UBASH3B: variants seen among roughly 807,000 people sequenced by gnomAD.
UBASH3B encodes ubiquitin associated and SH3 domain containing B.
Under a neutral mutation model 83.4 loss-of-function variants are expected in UBASH3B, and 37 were observed. The observed-to-expected ratio is 0.44, with a 90% CI of 0.34 to 0.58. The LOEUF (loss-of-function observed/expected upper bound fraction) is 0.58, where lower values mean the gene tolerates loss of function less well. UBASH3B is among the 20% of genes least tolerant of loss of function. The pLI, the probability that UBASH3B is intolerant of heterozygous loss-of-function variation, is 0.01. For synonymous variants in UBASH3B, 304 were observed against 318.3 expected, an observed-to-expected ratio of 0.96 and a Z score of 0.48; for missense variants, 657 against 827.2, an observed-to-expected ratio of 0.79 and a Z score of 2.52.
intron 1 of UBASH3B, among the ~76,000 whole-genome samples, chr11:122,692,270 T>C (rs1481955895): frequency 2.6e-5 from 4 of 152,174 alleles, no homozygotes; most frequent in East Asian, 3.8e-4. Context: ...CCAGGGACTT[T>C]TGGGATTGCT....
At chr11:122,753,866 A>G (rs557444811) in intron 1 of UBASH3B, among the ~76,000 whole-genome samples, 1 of 152,280 alleles carries the variant, frequency 6.6e-6, no homozygotes, top group East Asian at 1.9e-4. Context: ...AGGGAATACT[A>G]CAGTATTCCC....
intron 1 of UBASH3B, among the ~76,000 whole-genome samples, chr11:122,699,038 C>T (rs140354319): frequency 1.1e-4 from 16 of 152,182 alleles, no homozygotes; most frequent in Middle Eastern, 3.4e-3. Context: ...TTAGTAGAGA[C>T]GGGGTTTCTC....
intron 1 of UBASH3B, among the ~76,000 whole-genome samples, chr11:122,753,599 C>T (rs572854035): frequency 8.9e-4 from 131 of 147,618 alleles, no homozygotes; most frequent in Admixed American, 1.9e-3. Context: ...CGGGTTCAAG[C>T]GATTCTCCTG....
intron 1 of UBASH3B, among the ~76,000 whole-genome samples, chr11:122,657,213 A>G (rs534379095): frequency 1.3e-5 from 2 of 152,352 alleles, no homozygotes; most frequent in Admixed American, 6.5e-5. Context: ...GAGTTGGCCA[A>G]ACTTAATCAG....
intron 1 of UBASH3B, among the ~76,000 whole-genome samples, chr11:122,731,566 A>T (rs989103400): frequency 6.6e-6 from 1 of 152,204 alleles, no homozygotes. Context: ...CGGAGAGTGC[A>T]AACAGTGTGG....
At chr11:122,739,837 A>G (rs991689641) in intron 1 of UBASH3B, among the ~76,000 whole-genome samples, 1 of 152,182 alleles carries the variant, frequency 6.6e-6, no homozygotes, top group African/African-American at 2.4e-5. Context: ...GGATTTACCT[A>G]CAAGATGGAT....
intron 1 of UBASH3B, among the ~76,000 whole-genome samples, chr11:122,765,627 G>A (rs1320265106): frequency 6.6e-6 from 1 of 152,234 alleles, no homozygotes; most frequent in African/African-American, 2.4e-5. Flanking sequence ...AAGTTTAGCA[G>A]ACTAGAAGTG....
chr11:122,728,117 C>A (rs1466506985), intron 1 of UBASH3B, among the ~76,000 whole-genome samples: 3 of 152,158 alleles, frequency 2.0e-5, no homozygotes, highest in Admixed American at 6.5e-5. Flanking sequence ...GTATTACAGG[C>A]GTGAGCTACC....
intron 5 of UBASH3B, among the ~76,000 whole-genome samples, chr11:122,785,804 AAAG>A (rs1290430591): frequency 2.0e-5 from 3 of 152,224 alleles, no homozygotes. Context: ...AAGACTAAAT[AAAG>A]AAGATGTATG....
At chr11:122,700,264 G>A (rs1864025051) in intron 1 of UBASH3B, among the ~76,000 whole-genome samples, 1 of 152,140 alleles carries the variant, frequency 6.6e-6, no homozygotes, top group South Asian at 2.1e-4. Flanking sequence ...AATGAGATGG[G>A]CTGACATCAT....
chr11:122,709,623 T>G (rs1864164866), intron 1 of UBASH3B: 1 of 152,162 alleles, frequency 6.6e-6, no homozygotes. Flanking sequence ...GCTGGTTAAC[T>G]CTTTCTGGGT....
rs180694661 is a variant in UBASH3B at position 122,670,191 on chromosome 11, G to A, written c.161+13981G>A. On this transcript the variant is annotated intron_variant, in intron 1 of 13. Transcript: ENST00000284273. ...TTTCTGAGTGTGAATGTGTGTGTGTGTGTGTGTGTATATACACTGCCCATC... is the reference window on the plus strand; with the variant it reads ...TTTCTGAGTGTGAATGTGTGTGTGTATGTGTGTGTATATACACTGCCCATC... Among the ~76,000 whole-genome samples the A allele has an allele frequency of 9.2e-5, 14 of 152,148 alleles. No individual in the cohort carries two copies. The East Asian group carries it at 2.7e-3, about 29-fold the overall frequency.
chr11:122,706,509 A>G (rs1428490116), intron 1 of UBASH3B, among the ~76,000 whole-genome samples: 5 of 152,194 alleles, frequency 3.3e-5, no homozygotes, highest in Admixed American at 1.3e-4. Flanking sequence ...GAGAGTGTAC[A>G]TTCTGCATTT....
chr11:122,713,688 C>A (rs1375990312), intron 1 of UBASH3B, among the ~76,000 whole-genome samples: 2 of 148,262 alleles, frequency 1.3e-5, no homozygotes, highest in African/African-American at 5.0e-5. Flanking sequence ...CAGCCACTCC[C>A]AAATCTGGCC....
At chr11:122,803,837 T>A (rs945715872) in intron 11 of UBASH3B, among the ~76,000 whole-genome samples, 1 of 151,964 alleles carries the variant, frequency 6.6e-6, no homozygotes, top group South Asian at 2.1e-4. Context: ...GAGCACCGTA[T>A]TCCAGGTTGA....
intron 1 of UBASH3B, among the ~76,000 whole-genome samples, chr11:122,662,972 CTTTTT>C (rs568564848): frequency 2.7e-5 from 3 of 110,584 alleles, no homozygotes; most frequent in Admixed American, 9.9e-5. Flanking sequence ...GCGCTAATGT[CTTTTT>C]TTTTTTTTTT....
chr11:122,808,001 C>T (rs1861370446), intron 12 of UBASH3B, 66 bp from the exon 13 acceptor site: 1 of 1,241,594 alleles, frequency 8.1e-7, no homozygotes, highest in Non-Finnish European at 1.2e-6. Context: ...AGTTAGCTTC[C>T]AGTATTTGCA....
chr11:122,789,280 G>A lies in UBASH3B; in HGVS notation c.952G>A (p.Asp318Asn). Reference sequence around the variant, plus strand: ...GCCTGAGAATTACATTACCAAGGCTGATGAATGCAGCACCTGGATATTTCA... The same window carrying A: ...GCCTGAGAATTACATTACCAAGGCTAATGAATGCAGCACCTGGATATTTCA... ...LLPENYITKA[D>N]ECSTWIFHGS... Residue 318 changes from aspartate (D) to asparagine (N), a missense_variant, in exon 6 of 14, where the codon GAT becomes AAT. Asp to Asn is a conservative substitution (Grantham distance 23). Coordinates refer to ENST00000284273, the MANE Select transcript of UBASH3B (RefSeq NM_032873.5). The A allele has an allele frequency of 6.2e-7, 1 of 1,614,216 alleles. No individual in the cohort carries two copies. The highest frequency in any genetic ancestry group is 1.6e-4 in the Middle Eastern group (1 of 6,062).
intron 1 of UBASH3B, among the ~76,000 whole-genome samples, chr11:122,771,422 G>A (rs1183592278): frequency 6.6e-6 from 1 of 152,046 alleles, no homozygotes; most frequent in African/African-American, 2.4e-5. Flanking sequence ...TGTATTTTTA[G>A]TAGACACGGG....
Sources: gnomAD v4.1 joint callset for allele counts (sites outside exome capture counted in the v4.1 genomes callset) on GRCh38, gnomAD v4.1.1 for gene constraint, MANE v1.5 for transcripts, NCBI Gene and HGNC (gene_info 2026-07-23, HGNC 2026-07-21) for gene names.